Variants in KCNMB2 observed in about 807,000 individuals in gnomAD.
The protein encoded by KCNMB2 is potassium calcium-activated channel subfamily M regulatory beta subunit 2.
Under a neutral mutation model 24.5 loss-of-function variants are expected in KCNMB2, and 9 were observed. The observed-to-expected ratio is 0.37, with a 90% confidence interval of 0.22 to 0.64. KCNMB2 has a LOEUF of 0.64. KCNMB2 is among the 30% of genes least tolerant of loss of function. KCNMB2 has a pLI of 0.63. For missense variants in KCNMB2, 226 were observed against 284.3 expected, an observed-to-expected ratio of 0.79 and a Z score of 1.47; for synonymous variants, 109 against 104.4, an observed-to-expected ratio of 1.04 and a Z score of -0.27.
chr3:178,621,916 T>TA (rs1223430828), intron 1 of KCNMB2, among the ~76,000 whole-genome samples: 1 of 152,164 alleles, frequency 6.6e-6, no homozygotes, highest in Non-Finnish European at 1.5e-5. Context: ...ATTATTAGGT[T>TA]AAGCATAGAA....
intron 2 of KCNMB2, among the ~76,000 whole-genome samples, chr3:178,810,479 A>G (rs1271335135): frequency 6.6e-6 from 1 of 152,214 alleles, no homozygotes; most frequent in African/African-American, 2.4e-5. Context: ...AAGGGCAGGC[A>G]GAGAAACTTC....
In KCNMB2 at chr3:178,568,827, TAGATGATAGATA is replaced by T. The variant is rs1362088896; in HGVS notation, c.-68+32117_-68+32128del. On this transcript the variant is annotated intron_variant, in intron 1 of 4. Coordinates refer to ENST00000452583, the MANE Select transcript of KCNMB2 (RefSeq NM_181361.3). The stretch of plus-strand genomic sequence containing the variant: ...GATAGATAGATAGATAATAGATAGA[TAGATGATAGATA>T]GATAGATAGATAGATGATAGATAGA... Among the ~76,000 whole-genome samples, 28 of 78,720 alleles carry T rather than the reference TAGATGATAGATA, an allele frequency of 3.6e-4. 1 individual carries two copies. The highest frequency in any genetic ancestry group is 1.0e-3 in the South Asian group (2 of 1,956). 51.6% of individuals were successfully genotyped at this position (78,720 alleles called of 152,430 possible).
rs1479879440 is a variant in KCNMB2 at position 178,759,934 on chromosome 3, ATC to A, written c.-67-47407_-67-47406del. On this transcript the variant is annotated intron_variant, in intron 1 of 4. Transcript: ENST00000452583. The stretch of plus-strand genomic sequence containing the variant: ...TATATATATATATCCAAGAGGATAT[ATC>A]TATATATATATATATCCAAGAGGAT... Among the ~76,000 whole-genome samples the A allele has an allele frequency of 1.3e-4, 3 of 23,660 alleles. 1 individual carries two copies. The highest frequency in any genetic ancestry group is 1.9e-4 in the Non-Finnish European group (3 of 16,088). 15.5% of individuals were successfully genotyped at this position (23,660 alleles called of 152,430 possible).
chr3:178,552,961 G>A (rs185402145), intron 1 of KCNMB2, among the ~76,000 whole-genome samples: 49 of 152,202 alleles, frequency 3.2e-4, no homozygotes, highest in Non-Finnish European at 5.6e-4. Context: ...ACACCTAAGC[G>A]TTTCTTACTG....
rs1714011448 is a variant in KCNMB2, at chr3:178,807,357, C to G, written c.-53C>G. The G allele has an allele frequency of 4.7e-6, 7 of 1,500,932 alleles. No homozygotes were observed. The Admixed American group carries it at 5.2e-5, about 11-fold the overall frequency. 93.0% of individuals were successfully genotyped at this position (1,500,932 alleles called of 1,614,324 possible). The stretch of plus-strand genomic sequence containing the variant: ...ACCTCTTCTAGGTCTTTTTGCCATT[C>G]CTCCAGGACATCCACCATAAGGAAA... On this transcript the variant is annotated 5_prime_UTR_variant, in exon 2 of 5. Transcript: ENST00000452583.
At chr3:178,587,873 T>A (rs1373687279) in intron 1 of KCNMB2, among the ~76,000 whole-genome samples, 1 of 150,016 alleles carries the variant, frequency 6.7e-6, no homozygotes, top group Non-Finnish European at 1.5e-5. Flanking sequence ...TATCTCCTAA[T>A]GCTATCCCTC....
chr3:178,693,608 C>G (rs1320713201), intron 1 of KCNMB2, among the ~76,000 whole-genome samples: 1 of 152,170 alleles, frequency 6.6e-6, no homozygotes, highest in Non-Finnish European at 1.5e-5. Flanking sequence ...CCTACTTGAT[C>G]ATGGTGAACA....
chr3:178,700,905 T>C (rs1722067870), intron 1 of KCNMB2, among the ~76,000 whole-genome samples: 1 of 152,206 alleles, frequency 6.6e-6, no homozygotes, highest in Admixed American at 6.5e-5. Context: ...ATTCTGTAGG[T>C]TGCCTGTTCA....
At chr3:178,664,446 A>G (rs1720645765) in intron 1 of KCNMB2, among the ~76,000 whole-genome samples, 1 of 152,098 alleles carries the variant, frequency 6.6e-6, no homozygotes, top group Non-Finnish European at 1.5e-5. Context: ...CAACCTGGGC[A>G]TGCACTCCTC....
At chr3:178,579,999 C>T (rs1468875998) in intron 1 of KCNMB2, among the ~76,000 whole-genome samples, 1 of 152,056 alleles carries the variant, frequency 6.6e-6, no homozygotes, top group East Asian at 1.9e-4. Flanking sequence ...AAAAGAGGGA[C>T]TCCTCCCTAA....
intron 1 of KCNMB2, among the ~76,000 whole-genome samples, chr3:178,728,838 T>C (rs1043098739): frequency 2.0e-5 from 3 of 152,196 alleles, no homozygotes; most frequent in Non-Finnish European, 2.9e-5. Context: ...TTTCTACTCC[T>C]GGAAAGTTAC....
chr3:178,780,597 A>T (rs1480012476), intron 1 of KCNMB2, among the ~76,000 whole-genome samples: 2 of 152,226 alleles, frequency 1.3e-5, no homozygotes, highest in Non-Finnish European at 2.9e-5. Context: ...ACCCTGCTGT[A>T]AGGCAAGCCA....
rs548930813 is a variant in KCNMB2 at position 178,616,553 on chromosome 3, C to T, written c.-68+79842C>T. On this transcript the variant is annotated intron_variant, in intron 1 of 4. Transcript: ENST00000452583. ...GCTGCTGCCTGGGGTGGAGGAGGGG[C>T]GACATCTACAATTCAGAACTGTTTT... Among the ~76,000 whole-genome samples the T allele has an allele frequency of 1.7e-4, 26 of 152,270 alleles. 2 individuals are homozygous for T. The highest frequency in any genetic ancestry group is 4.8e-4 in the African/African-American group (20 of 41,560).
chr3:178,562,603 ATTCT>A (rs1202451636), intron 1 of KCNMB2, among the ~76,000 whole-genome samples: 1 of 152,218 alleles, frequency 6.6e-6, no homozygotes, highest in African/African-American at 2.4e-5. Flanking sequence ...GTGCAAGTGG[ATTCT>A]TTATTTTGAA....
At chr3:178,680,882 C>T (rs536448267) in intron 1 of KCNMB2, among the ~76,000 whole-genome samples, 5 of 152,260 alleles carry the variant, frequency 3.3e-5, no homozygotes, top group African/African-American at 1.2e-4. Context: ...ACAGATGCCC[C>T]TGAAGATAAG....
chr3:178,734,190 T>A (rs1723244991), intron 1 of KCNMB2, among the ~76,000 whole-genome samples: 1 of 152,236 alleles, frequency 6.6e-6, no homozygotes, highest in Non-Finnish European at 1.5e-5. Context: ...ATGCACCTTA[T>A]ACACATAGGC....
At chr3:178,782,334 T>C (rs1200087424) in intron 1 of KCNMB2, among the ~76,000 whole-genome samples, 1 of 145,646 alleles carries the variant, frequency 6.9e-6, no homozygotes, top group African/African-American at 2.5e-5. Flanking sequence ...TCAAATGGTA[T>C]TTCTAGTTCT....
chr3:178,617,285 G>A lies in KCNMB2; in HGVS notation c.-68+80574G>A, dbSNP rs192195588. On this transcript the variant is annotated intron_variant, in intron 1 of 4. Transcript: ENST00000452583. ...ATGTTTTTAAAAACACAGTCCAGGC[G>A]TGGTGGCTCACGCCTGTAATCCCAG... 1.3e-3 allele frequency among the ~76,000 whole-genome samples: 197 copies of A among 152,206 alleles called. 5 individuals carry two copies. In the South Asian group the frequency reaches 0.037, roughly 28 times the overall value.
At chr3:178,641,649 C>A (rs536351907) in intron 1 of KCNMB2, among the ~76,000 whole-genome samples, 3 of 152,048 alleles carry the variant, frequency 2.0e-5, no homozygotes, top group African/African-American at 4.8e-5. Context: ...ACTTTGTATG[C>A]ATTTTATTTC....
Sources: gnomAD v4.1 joint callset for allele counts (sites outside exome capture counted in the v4.1 genomes callset) on GRCh38, gnomAD v4.1.1 for gene constraint, MANE v1.5 for transcripts, NCBI Gene and HGNC (gene_info 2026-07-23, HGNC 2026-07-21) for gene names.